CNTN4: variants seen among roughly 807,000 people sequenced by gnomAD.
CNTN4 encodes the protein contactin-4.
In CNTN4, 77 loss-of-function variants were observed where a neutral mutation model predicts 122.5. That is an observed-to-expected ratio of 0.63 (90% CI 0.52 to 0.76). The LOEUF (loss-of-function observed/expected upper bound fraction) is 0.76, where lower values mean the gene tolerates loss of function less well. Ranked by LOEUF, CNTN4 falls within the 30% of genes least tolerant of loss-of-function variation. The pLI, the probability that CNTN4 is intolerant of heterozygous loss-of-function variation, is 0.00. For synonymous variants in CNTN4, 512 were observed against 447.0 expected, an observed-to-expected ratio of 1.15 and a Z score of -1.83; for missense variants, 1,256 against 1,259.1, an observed-to-expected ratio of 1.00 and a Z score of 0.04.
Position 2,348,501 on chromosome 3 carries a change from C to T in CNTN4, c.-89+9268C>T, listed in dbSNP as rs556686195. 3.3e-5 allele frequency among the ~76,000 whole-genome samples: 5 copies of T among 152,330 alleles called. No individual in the cohort carries two copies. The South Asian group carries it at 1.0e-3, about 32-fold the overall frequency. Reference sequence around the variant, plus strand: ...TAGCGAGAACCACCCTGTCCCTGAACCACCACCACATTAACTGAAACTTAT... The same window carrying T: ...TAGCGAGAACCACCCTGTCCCTGAATCACCACCACATTAACTGAAACTTAT... On this transcript the variant is annotated intron_variant, in intron 3 of 24. Coordinates refer to ENST00000418658, the MANE Select transcript of CNTN4 (RefSeq NM_175607.3).
intron 2 of CNTN4, among the ~76,000 whole-genome samples, chr3:2,275,911 C>A (rs1345223311): frequency 9.0e-6 from 1 of 110,942 alleles, no homozygotes; most frequent in Non-Finnish European, 1.8e-5. Flanking sequence ...CAGAGCCAGA[C>A]TCTGTCTCAA....
intron 2 of CNTN4, among the ~76,000 whole-genome samples, chr3:2,169,421 T>A (rs1408270844): frequency 6.6e-6 from 1 of 151,934 alleles, no homozygotes. Context: ...AACTTTTTTT[T>A]TTTGAGACGG....
intron 14 of CNTN4, among the ~76,000 whole-genome samples, chr3:3,019,765 A>AATATATATAT (rs67229453): frequency 6.9e-4 from 95 of 138,010 alleles, no homozygotes; most frequent in Middle Eastern, 3.9e-3. Flanking sequence ...TGTGTACACA[A>AATATATATAT]ATATATATAT....
chr3:3,015,083 C>T (rs1697623551), intron 14 of CNTN4, among the ~76,000 whole-genome samples: 1 of 152,098 alleles, frequency 6.6e-6, no homozygotes, highest in South Asian at 2.1e-4. Context: ...ATTCAGGGCT[C>T]TTCAGATTTT....
At position 2,883,152 on chromosome 3, in the gene CNTN4, G is replaced by A; in HGVS notation, c.660G>A (p.Met220Ile). ...TPLILRNDGV[M>I]GEYEPKIEVQ... is the part of the protein sequence containing the mutation. Reference sequence around the variant, plus strand: ...CCCTTTATTTATTCACAGGAGTGATGGGTGAATATGAGCCCAAAATAGAAG... The same window carrying A: ...CCCTTTATTTATTCACAGGAGTGATAGGTGAATATGAGCCCAAAATAGAAG... Residue 220 changes from methionine (M) to isoleucine (I), a missense_variant, in exon 9 of 25, where the codon ATG (methionine) becomes ATA (isoleucine). Coordinates refer to ENST00000418658, the MANE Select transcript of CNTN4 (RefSeq NM_175607.3). The A allele has an allele frequency of 6.2e-7, 1 of 1,609,940 alleles. No individual in the cohort carries two copies. The highest frequency in any genetic ancestry group is 8.5e-7 in the Non-Finnish European group (1 of 1,176,400).
chr3:2,680,615 G>A (rs909782860), intron 4 of CNTN4, among the ~76,000 whole-genome samples: 1 of 152,046 alleles, frequency 6.6e-6, no homozygotes, highest in African/African-American at 2.4e-5. Flanking sequence ...CTTCATTAAC[G>A]GTCTACACAC....
chr3:2,644,964 T>C (rs1280446447), intron 4 of CNTN4, among the ~76,000 whole-genome samples: 4 of 151,286 alleles, frequency 2.6e-5, no homozygotes, highest in African/African-American at 9.7e-5. Context: ...TCAAAACTCA[T>C]TTGCCTAAAC....
At chr3:2,736,102 C>G in intron 4 of CNTN4, 113 bp from the exon 5 acceptor site, 1 of 1,081,114 alleles carries the variant, frequency 9.2e-7, no homozygotes, top group South Asian at 1.3e-5. Flanking sequence ...CCTGTTGTGC[C>G]TTACTATTTT....
At chr3:2,304,369 A>C (rs1559434837) in intron 2 of CNTN4, among the ~76,000 whole-genome samples, 1 of 152,310 alleles carries the variant, frequency 6.6e-6, no homozygotes, top group East Asian at 1.9e-4. Flanking sequence ...CGTTATAAAC[A>C]TCACAGTGGA....
At chr3:2,300,199 T>G (rs1424795437) in intron 2 of CNTN4, among the ~76,000 whole-genome samples, 1 of 152,152 alleles carries the variant, frequency 6.6e-6, no homozygotes, top group East Asian at 1.9e-4. Context: ...TTAGACAGAG[T>G]GAATTGAATA....
At chr3:2,361,930 A>G (rs2150551378) in intron 3 of CNTN4, among the ~76,000 whole-genome samples, 1 of 152,322 alleles carries the variant, frequency 6.6e-6, no homozygotes, top group South Asian at 2.1e-4. Context: ...TTTAATATAG[A>G]TACATGATTT....
intron 3 of CNTN4, among the ~76,000 whole-genome samples, chr3:2,506,040 T>C (rs548878787): frequency 6.6e-6 from 1 of 152,214 alleles, no homozygotes; most frequent in Non-Finnish European, 1.5e-5. Flanking sequence ...TGTAACACTA[T>C]GGTAATCTTA....
chr3:2,787,371 G>T (rs939679186), intron 6 of CNTN4, among the ~76,000 whole-genome samples: 1 of 151,940 alleles, frequency 6.6e-6, no homozygotes, highest in Non-Finnish European at 1.5e-5. Flanking sequence ...GCGAGACTCC[G>T]CCTCAAAAAA....
intron 6 of CNTN4, among the ~76,000 whole-genome samples, chr3:2,811,866 G>C (rs76987668): frequency 6.6e-6 from 1 of 151,816 alleles, no homozygotes; most frequent in Admixed American, 6.6e-5. Flanking sequence ...GGGTTTCCCC[G>C]TGTTGGCCAG....
intron 3 of CNTN4, among the ~76,000 whole-genome samples, chr3:2,411,506 GT>G (rs1259578300): frequency 1.3e-5 from 2 of 152,244 alleles, no homozygotes; most frequent in Non-Finnish European, 2.9e-5. Context: ...ATATTTTGAA[GT>G]TGCAGCCTTA....
rs561789884 is a variant in CNTN4 at position 2,778,151 on chromosome 3, T to C, written c.358+32454T>C. On this transcript the variant is annotated intron_variant, in intron 6 of 24. Transcript: ENST00000418658. ...ATGGCGGGAACCCAGGAAGCGGAGCTTGTGGTGAGCCGAGATCGCGCCACT... is the reference window on the plus strand; with the variant it reads ...ATGGCGGGAACCCAGGAAGCGGAGCCTGTGGTGAGCCGAGATCGCGCCACT... 2.9e-5 allele frequency among the ~76,000 whole-genome samples: 4 copies of C among 138,722 alleles called. 1 individual carries two copies. The South Asian group carries it at 7.7e-4, about 27-fold the overall frequency. The allele number at this position is 138,722 out of a possible 152,430, so 91.0% of individuals were successfully genotyped here.
At chr3:2,426,613 T>C (rs2047843966) in intron 3 of CNTN4, among the ~76,000 whole-genome samples, 1 of 152,202 alleles carries the variant, frequency 6.6e-6, no homozygotes, top group African/African-American at 2.4e-5. Context: ...TTCCTTCTTT[T>C]TCTATTGATT....
intron 4 of CNTN4, among the ~76,000 whole-genome samples, chr3:2,616,192 G>A (rs1478488107): frequency 6.7e-6 from 1 of 148,238 alleles, no homozygotes; most frequent in Non-Finnish European, 1.5e-5. Flanking sequence ...TCCCCTCCCT[G>A]TGTCCATGTG....
rs543035808 is a variant in CNTN4, at chr3:2,565,865, C to T, written c.-88-5551C>T. Among the ~76,000 whole-genome samples the T allele has an allele frequency of 6.2e-4, 95 of 152,300 alleles. 2 individuals carry two copies. Among genetic ancestry groups the T allele is most frequent in the African/African-American group, 2.2e-3 (93 of 41,572 alleles). ...TAGAGTTAGGAAACTCTCAACTCTACAGATGGGAACTGTGGATGATCCTTT... is the reference window on the plus strand; with the variant it reads ...TAGAGTTAGGAAACTCTCAACTCTATAGATGGGAACTGTGGATGATCCTTT... On this transcript the variant is annotated intron_variant, in intron 3 of 24. Coordinates refer to ENST00000418658, the MANE Select transcript of CNTN4 (RefSeq NM_175607.3).
Sources: allele counts gnomAD v4.1 joint callset (sites outside exome capture counted in the v4.1 genomes callset), GRCh38; gene constraint gnomAD v4.1.1; transcripts MANE v1.5; gene names NCBI Gene and HGNC (gene_info 2026-07-23, HGNC 2026-07-21).